Variants in DNAH10 observed in about 807,000 individuals in gnomAD.
The protein encoded by DNAH10 is axonemal beta dynein heavy chain 10.
In DNAH10, 348 loss-of-function variants were observed where a neutral mutation model predicts 506.6. That is an observed-to-expected ratio of 0.69 (90% CI 0.63 to 0.75). DNAH10 has a LOEUF of 0.75. Among genes scored for constraint, DNAH10 ranks in the 30% least tolerant of loss-of-function variants. DNAH10 has a pLI of 0.00. For missense variants in DNAH10, 5,179 were observed against 5,787.1 expected, an observed-to-expected ratio of 0.89 and a Z score of 3.41; for synonymous variants, 2,059 against 2,198.6, an observed-to-expected ratio of 0.94 and a Z score of 1.78.
In DNAH10 at chr12:123,925,335, T is replaced by C. The variant is rs1219431486; in HGVS notation, c.11921+131T>C. 6 of 1,179,000 alleles carry C rather than the reference T, an allele frequency of 5.1e-6. No individual in the cohort carries two copies. The highest frequency in any genetic ancestry group is 7.2e-6 in the Non-Finnish European group (6 of 838,490). The allele number at this position is 1,179,000 out of a possible 1,614,324, so 73.0% of individuals were successfully genotyped here. A position where few individuals can be genotyped will look rare whatever the true frequency, so the allele number is the denominator to read the frequency against. Reference sequence around the variant, plus strand: ...GCTGTCGCCACCCTGCTGTACAATATTCGATAGCCGATATTCTAGAATTCT... The same window carrying C: ...GCTGTCGCCACCCTGCTGTACAATACTCGATAGCCGATATTCTAGAATTCT... On this transcript the variant is annotated intron_variant, in intron 68 of 78. Coordinates refer to ENST00000673944, the MANE Select transcript of DNAH10 (RefSeq NM_001372106.1). The surrounding 1 kb of genome is among the most constrained non-coding windows in gnomAD (Gnocchi z 4.0).
intron 24 of DNAH10, among the ~76,000 whole-genome samples, chr12:123,824,314 G>A (rs552559065): frequency 6.6e-6 from 1 of 152,304 alleles, no homozygotes; most frequent in East Asian, 1.9e-4. Context: ...GGGGACGATG[G>A]TGAACATCTG....
chr12:123,879,463 A>G (rs1342539273), intron 49 of DNAH10, 106 bp downstream of exon 49: 7 of 1,468,350 alleles, frequency 4.8e-6, no homozygotes, highest in Non-Finnish European at 6.5e-6. Context: ...AATAGGCACG[A>G]AAGGTCAATG....
At chr12:123,889,450 T>G (rs1453791435) in intron 52 of DNAH10, among the ~76,000 whole-genome samples, 1 of 152,004 alleles carries the variant, frequency 6.6e-6, no homozygotes, top group African/African-American at 2.4e-5. Flanking sequence ...AGACACTGGG[T>G]TTGGTAGGGA....
rs1363973085 is a variant in DNAH10, at chr12:123,846,997, T to C, written c.5814+843T>C. 6.6e-6 allele frequency among the ~76,000 whole-genome samples: 1 copy of C among 152,192 alleles called. No homozygotes were observed. The highest frequency in any genetic ancestry group is 1.9e-4 in the East Asian group (1 of 5,198). On this transcript the variant is annotated intron_variant, in intron 32 of 78. Transcript: ENST00000673944. This position sits in a 1 kb window ranked among gnomAD's most constrained non-coding sequence, Gnocchi z 4.5. ...TGTTTTTGAGAAAAAGAGTGTCATC[T>C]TATCTGTATTGGTTAGGGTTCCACA...
At chr12:123,793,897 G>C (rs1427724414) in intron 11 of DNAH10, 45 bp from the exon 12 acceptor site, 32 of 1,104,148 alleles carry the variant, frequency 2.9e-5, no homozygotes, top group Non-Finnish European at 3.6e-5. Flanking sequence ...ATTTTGGCAG[G>C]ATAATTACAG....
At chr12:123,795,317 A>C (rs1271441070) in intron 12 of DNAH10, among the ~76,000 whole-genome samples, 1 of 152,162 alleles carries the variant, frequency 6.6e-6, no homozygotes. Flanking sequence ...CCACAGATGC[A>C]GTGACTTAGA....
Position 123,926,576 on chromosome 12 carries a change from C to G in DNAH10, c.11922-61C>G. 6.4e-7 allele frequency: 1 copy of G among 1,555,006 alleles called. No homozygotes were observed. ...GAGGAGGCAGCGCTGATCAGACAGA[C>G]CAGCCCCTGGTCTGGAGCTGTCCTC... is the stretch of plus-strand genomic sequence containing the variant. On this transcript the variant is annotated intron_variant, in intron 68 of 78. Transcript: ENST00000673944. The surrounding 1 kb of genome is among the most constrained non-coding windows in gnomAD (Gnocchi z 4.1).
rs566620103 is a variant in DNAH10 at position 123,785,806 on chromosome 12, G to A, written c.1291G>A (p.Ala431Thr). The change falls in exon 9 of 79, where the codon GCC becomes ACC. Residue 431 changes from alanine (A) to threonine (T), a missense_variant. Ala to Thr is a moderately conservative substitution (Grantham distance 58, BLOSUM62 0). Coordinates refer to ENST00000673944, the MANE Select transcript of DNAH10 (RefSeq NM_001372106.1). This position sits in a 1 kb window ranked among gnomAD's most constrained non-coding sequence, Gnocchi z 4.1. ...GGACACCATCCCCGCCATGATGAGT[G>A]CCCTGCGGATGGTGTGGATCATCTC... ...VLDTIPAMMS[A>T]LRMVWIISRH... 1.9e-6 allele frequency: 3 copies of A among 1,614,198 alleles called. No individual in the cohort carries two copies. In the East Asian group the frequency reaches 6.7e-5, roughly 36 times the overall value.
intron 65 of DNAH10, among the ~76,000 whole-genome samples, chr12:123,920,823 G>A (rs1954689408): frequency 6.6e-6 from 1 of 152,146 alleles, no homozygotes; most frequent in African/African-American, 2.4e-5. Context: ...AGGCTAGGGT[G>A]CAATGGCACA....
chr12:123,768,221 G>A (rs1032634821), intron 2 of DNAH10, among the ~76,000 whole-genome samples: 9 of 151,550 alleles, frequency 5.9e-5, no homozygotes, highest in Non-Finnish European at 1.3e-4. Context: ...TGCAACCTCC[G>A]CCTCCCAGGT....
Position 123,902,550 on chromosome 12 carries a change from G to A in DNAH10, c.9641-389G>A, listed in dbSNP as rs1566074390. On this transcript the variant is annotated intron_variant, in intron 56 of 78. Coordinates refer to ENST00000673944, the MANE Select transcript of DNAH10 (RefSeq NM_001372106.1). This position sits in a 1 kb window ranked among gnomAD's most constrained non-coding sequence, Gnocchi z 4.5. ...GGTGGCTCTGGCTGGGCCCGAGTGA[G>A]CGTAGGAAGAGGCGATGAGAGGCAG... Among the ~76,000 whole-genome samples, 1 of 152,212 alleles carries A rather than the reference G, an allele frequency of 6.6e-6. No individual in the cohort carries two copies. Among genetic ancestry groups the A allele is most frequent in the Admixed American group, 6.5e-5 (1 of 15,284 alleles).
rs938773969 is a variant in DNAH10, at chr12:123,917,432, C to T, written c.11003-152C>T. Among the ~76,000 whole-genome samples, 1 of 152,246 alleles carries T rather than the reference C, an allele frequency of 6.6e-6. No homozygotes were observed. The highest frequency in any genetic ancestry group is 1.9e-4 in the East Asian group (1 of 5,202). The stretch of plus-strand genomic sequence containing the variant: ...TGTTTTGCTCCTGCCTGCCACCTTG[C>T]TGCTCTAGAGTGACTTTGGTGGGCA... On this transcript the variant is annotated intron_variant, in intron 63 of 78. Transcript: ENST00000673944. The surrounding 1 kb of genome is among the most constrained non-coding windows in gnomAD (Gnocchi z 5.6).
intron 16 of DNAH10, among the ~76,000 whole-genome samples, 167 bp from the exon 17 acceptor site, chr12:123,803,494 C>T (rs1352710840): frequency 1.3e-5 from 2 of 152,124 alleles, no homozygotes; most frequent in African/African-American, 4.8e-5. Context: ...TGTCCCAGTC[C>T]CTTAGGGTTC....
intron 7 of DNAH10, 38 bp from the exon 8 acceptor site, chr12:123,783,906 CTAA>C (rs1385914372): frequency 3.8e-6 from 6 of 1,568,068 alleles, no homozygotes; most frequent in Non-Finnish European, 5.3e-6. Context: ...CTGCTCCACC[CTAA>C]TAATGAGAGT....
In DNAH10 at chr12:123,931,468, G is replaced by A. The variant is rs752324646; in HGVS notation, c.12912G>A (p.Gln4304=). 146 of 1,613,474 alleles carry A rather than the reference G, an allele frequency of 9.0e-5. 1 individual carries two copies. The South Asian group carries it at 1.6e-3, about 17-fold the overall frequency. Reference sequence around the variant, plus strand: ...CTCACCTGCTGGAGCTGCAGCCTCAGACAGGTAAACTCTACTCAGGAGGAC... The same window carrying A: ...CTCACCTGCTGGAGCTGCAGCCTCAAACAGGTAAACTCTACTCAGGAGGAC... The part of the protein sequence containing the change: ...MWAHLLELQP[Q]TGESSSGISR... Residue 4304 remains glutamine (Q), a synonymous_variant, in exon 74 of 79, where the codon CAG becomes CAA. Coordinates refer to ENST00000673944, the MANE Select transcript of DNAH10 (RefSeq NM_001372106.1).
intron 28 of DNAH10, among the ~76,000 whole-genome samples, chr12:123,837,996 T>G (rs1193682630): frequency 6.6e-6 from 1 of 152,206 alleles, no homozygotes; most frequent in East Asian, 1.9e-4. Flanking sequence ...ATTGACCTGT[T>G]GCTGGACATT....
chr12:123,774,306 T>G (rs1165758924), intron 5 of DNAH10, 42 bp downstream of exon 5: 1 of 1,446,678 alleles, frequency 6.9e-7, no homozygotes, highest in Non-Finnish European at 9.5e-7. Flanking sequence ...TTTCTAAAGT[T>G]GAGGTCATGT....
intron 5 of DNAH10, among the ~76,000 whole-genome samples, chr12:123,774,666 T>C (rs952387254): frequency 6.6e-6 from 1 of 152,266 alleles, no homozygotes; most frequent in African/African-American, 2.4e-5. Context: ...AGCAGGAGCA[T>C]GTCCTTAAGG....
chr12:123,884,574 G>T (rs1952648645), intron 51 of DNAH10, among the ~76,000 whole-genome samples: 1 of 152,114 alleles, frequency 6.6e-6, no homozygotes, highest in Non-Finnish European at 1.5e-5. Context: ...AAGTCTTTGG[G>T]GTCCCTTTTA....
Sources: allele counts gnomAD v4.1 joint callset (sites outside exome capture counted in the v4.1 genomes callset), GRCh38; gene constraint gnomAD v4.1.1; non-coding constraint Gnocchi (gnomAD v3.1); transcripts MANE v1.5; gene names NCBI Gene and HGNC (gene_info 2026-07-23, HGNC 2026-07-21).